Variants in ARRB1 observed in about 807,000 individuals in gnomAD.
The protein encoded by ARRB1 is beta-arrestin-1.
ARRB1 carries 21 observed loss-of-function variants against 56.8 expected under a neutral mutation model. The observed-to-expected ratio is 0.37, with a 90% CI of 0.26 to 0.53. ARRB1 has a LOEUF of 0.53. Ranked by LOEUF, ARRB1 falls within the 20% of genes least tolerant of loss-of-function variation. ARRB1 has a pLI of 0.88. For missense variants in ARRB1, 424 were observed against 553.7 expected (o/e 0.77, Z 2.35); for synonymous variants, 210 against 218.6 (o/e 0.96, Z 0.35).
intron 1 of ARRB1, among the ~76,000 whole-genome samples, chr11:75,308,710 A>C (rs1402414813): frequency 6.6e-6 from 1 of 151,494 alleles, no homozygotes; most frequent in Non-Finnish European, 1.5e-5. Flanking sequence ...GCACCACTGC[A>C]CTCCAGCCTT....
chr11:75,337,816 T>C (rs1225100324), intron 1 of ARRB1, among the ~76,000 whole-genome samples: 1 of 128,162 alleles, frequency 7.8e-6, no homozygotes, highest in African/African-American at 3.0e-5. Flanking sequence ...TTTTTTTTTT[T>C]TGAGACGGAG....
At chr11:75,322,051 A>T (rs1161414793) in intron 1 of ARRB1, among the ~76,000 whole-genome samples, 1 of 152,272 alleles carries the variant, frequency 6.6e-6, no homozygotes, top group Non-Finnish European at 1.5e-5. Flanking sequence ...GGTGACTCTC[A>T]CAATAAATGC....
At chr11:75,321,267 C>CG (rs1301842527) in intron 1 of ARRB1, among the ~76,000 whole-genome samples, 1 of 144,222 alleles carries the variant, frequency 6.9e-6, no homozygotes, top group African/African-American at 2.6e-5. Flanking sequence ...TCCTGCTCAC[C>CG]CCCCCCCACC....
intron 2 of ARRB1, among the ~76,000 whole-genome samples, chr11:75,287,735 C>T (rs1172228153): frequency 6.6e-6 from 1 of 152,204 alleles, no homozygotes; most frequent in Non-Finnish European, 1.5e-5. Context: ...GGGTGAGAGC[C>T]CCCAGGCAGG....
chr11:75,281,681 C>G, intron 6 of ARRB1: 2 of 448,452 alleles, frequency 4.5e-6, no homozygotes, highest in Non-Finnish European at 8.0e-6. Context: ...TACATGAGGC[C>G]AGGTGTAGGT....
At chr11:75,269,097 CCA>C in intron 13 of ARRB1, 138 bp from the exon 14 acceptor site, 1 of 887,308 alleles carries the variant, frequency 1.1e-6, no homozygotes, top group Non-Finnish European at 1.8e-6. Context: ...CCCTCCAGCC[CCA>C]GTTCTGCCAC....
chr11:75,282,930 G>T (rs34914104), intron 5 of ARRB1, among the ~76,000 whole-genome samples: 3 of 152,216 alleles, frequency 2.0e-5, no homozygotes, highest in Admixed American at 6.5e-5. Context: ...TTGCGAGCTG[G>T]GTTGCTGCCG....
In ARRB1 at chr11:75,287,246, G is replaced by A. The variant is rs1311099895; in HGVS notation, c.112+69C>T. ...GCACCGGGCCCCTCTGGAGAGCTGA[G>A]AGCTATTTCTGGGAGGCTTGGCCAG... On this transcript the variant is annotated intron_variant, in intron 3 of 15. Transcript: ENST00000420843. 4 of 1,495,368 alleles carry A rather than the reference G, an allele frequency of 2.7e-6. No individual in the cohort carries two copies. In the East Asian group the frequency reaches 7.5e-5, roughly 28 times the overall value. The allele number at this position is 1,495,368 out of a possible 1,614,324, so 92.6% of individuals were successfully genotyped here.
At chr11:75,322,514 A>C (rs1237028276) in intron 1 of ARRB1, among the ~76,000 whole-genome samples, 1 of 152,236 alleles carries the variant, frequency 6.6e-6, no homozygotes, top group East Asian at 1.9e-4. Flanking sequence ...TCAAAAAACA[A>C]AACAACAACA....
chr11:75,305,018 C>CTTTTTTTTTTT (rs35323331), intron 1 of ARRB1, among the ~76,000 whole-genome samples: 17 of 86,734 alleles, frequency 2.0e-4, no homozygotes, highest in South Asian at 4.1e-4. Flanking sequence ...TTCTTTCTTT[C>CTTTTTTTTTTT]TTTTTTTTTT....
At chr11:75,306,669 A>C in intron 1 of ARRB1, 1 of 1,287,162 alleles carries the variant, frequency 7.8e-7, no homozygotes, top group Non-Finnish European at 1.0e-6. Flanking sequence ...TGCAGGCAGC[A>C]GCAGCCAGGC....
chr11:75,283,598 G>T, intron 4 of ARRB1, 115 bp from the exon 5 acceptor site: 1 of 1,018,778 alleles, frequency 9.8e-7, no homozygotes, highest in Non-Finnish European at 1.4e-6. Flanking sequence ...CCTGTCCCAA[G>T]CTCTGTGGGG....
chr11:75,346,997 C>T (rs1055644823), intron 1 of ARRB1, among the ~76,000 whole-genome samples: 1 of 152,248 alleles, frequency 6.6e-6, no homozygotes, highest in South Asian at 2.1e-4. Context: ...AGTAGCGGAG[C>T]ATGGCTGTGT....
At chr11:75,305,215 T>C (rs1411793935) in intron 1 of ARRB1, among the ~76,000 whole-genome samples, 1 of 151,316 alleles carries the variant, frequency 6.6e-6, no homozygotes, top group Admixed American at 6.6e-5. Flanking sequence ...TTTGTATTTT[T>C]TTTTTTTTTG....
chr11:75,290,293 G>A (rs568137048), intron 1 of ARRB1, among the ~76,000 whole-genome samples: 20 of 152,282 alleles, frequency 1.3e-4, no homozygotes, highest in Admixed American at 2.6e-4. Context: ...GGCAGGCTGC[G>A]GGAGTCTCCA....
chr11:75,295,758 C>G (rs1946726993), intron 1 of ARRB1, among the ~76,000 whole-genome samples: 1 of 152,176 alleles, frequency 6.6e-6, no homozygotes, highest in Admixed American at 6.6e-5. Flanking sequence ...ATGAGAAAGC[C>G]TCCATCAACC....
At chr11:75,321,531 A>G (rs936855627) in intron 1 of ARRB1, among the ~76,000 whole-genome samples, 4 of 152,116 alleles carry the variant, frequency 2.6e-5, no homozygotes, top group African/African-American at 9.7e-5. Context: ...TTTTCCTTAC[A>G]GCCCTCATCT....
chr11:75,300,015 G>A (rs1265290198), intron 1 of ARRB1, among the ~76,000 whole-genome samples: 1 of 151,944 alleles, frequency 6.6e-6, no homozygotes, highest in African/African-American at 2.4e-5. Flanking sequence ...GACCAGCCTG[G>A]CCAACATGGT....
At chr11:75,333,951 C>G (rs1947560325) in intron 1 of ARRB1, among the ~76,000 whole-genome samples, 1 of 152,180 alleles carries the variant, frequency 6.6e-6, no homozygotes, top group Non-Finnish European at 1.5e-5. Context: ...CAGCTCCCCT[C>G]AGGCACCAGA....
Sources: allele counts gnomAD v4.1 joint callset (sites outside exome capture counted in the v4.1 genomes callset), GRCh38; gene constraint gnomAD v4.1.1; transcripts MANE v1.5; gene names NCBI Gene and HGNC (gene_info 2026-07-23, HGNC 2026-07-21).